The following ZFYVE19 variants were observed in gnomAD, a reference collection of about 807,000 sequenced individuals.
ZFYVE19 encodes abscission/NoCut checkpoint regulator.
Under a neutral mutation model 62.8 loss-of-function variants are expected in ZFYVE19, and 49 were observed. That is an observed-to-expected ratio of 0.78 (90% CI 0.62 to 0.99). The LOEUF (loss-of-function observed/expected upper bound fraction) is 0.99, where lower values mean the gene tolerates loss of function less well. Among genes scored for constraint, ZFYVE19 ranks in the 50% least tolerant of loss-of-function variants. ZFYVE19 has a pLI of 0.00. For missense variants in ZFYVE19, 630 were observed against 601.9 expected, an observed-to-expected ratio of 1.05 and a Z score of -0.49; for synonymous variants, 242 against 234.3, an observed-to-expected ratio of 1.03 and a Z score of -0.30.
intron 1 of ZFYVE19, 61 bp downstream of exon 1, chr15:40,807,929 C>G (rs932328328): frequency 6.5e-7 from 1 of 1,546,500 alleles, no homozygotes; most frequent in Non-Finnish European, 8.7e-7. Flanking sequence ...AAGCGCGGGA[C>G]TTAACGTCCA....
intron 6 of ZFYVE19, 36 bp from the exon 7 acceptor site, chr15:40,812,663 A>C: frequency 6.4e-7 from 1 of 1,556,632 alleles, no homozygotes. Flanking sequence ...AGATACTGGG[A>C]TGTCTCGGCC....
intron 4 of ZFYVE19, 23 bp downstream of exon 4, chr15:40,809,993 G>T: frequency 6.2e-7 from 1 of 1,614,204 alleles, no homozygotes; most frequent in Non-Finnish European, 8.5e-7. Flanking sequence ...AGATGGGGTT[G>T]CCTAGAGGAC....
chr15:40,807,519 G>A lies in ZFYVE19; in HGVS notation c.-71G>A, dbSNP rs1332170160. The A allele has an allele frequency of 6.2e-7, 1 of 1,606,836 alleles. No individual in the cohort carries two copies. The highest frequency in any genetic ancestry group is 8.5e-7 in the Non-Finnish European group (1 of 1,175,004). On this transcript the variant is annotated 5_prime_UTR_variant, in exon 1 of 11. Coordinates refer to ENST00000355341, the MANE Select transcript of ZFYVE19 (RefSeq NM_001077268.2). ...CGCGTGAGGACTGCAGGCTCCGAGCGGCGCCTAGCCCTCTGGGAATTGTGT... is the reference window on the plus strand; with the variant it reads ...CGCGTGAGGACTGCAGGCTCCGAGCAGCGCCTAGCCCTCTGGGAATTGTGT...
chr15:40,814,400 CTGGG>C lies in ZFYVE19; in HGVS notation c.*175_*178del. The C allele has an allele frequency of 1.3e-6, 1 of 765,934 alleles. No homozygotes were observed. The highest frequency in any genetic ancestry group is 1.8e-5 in the South Asian group (1 of 55,000). The allele number at this position is 765,934 out of a possible 1,614,324, so 47.4% of individuals were successfully genotyped here. On this transcript the variant is annotated 3_prime_UTR_variant, in exon 11 of 11. Transcript: ENST00000355341. ...AAAGATTCTCCATTCGAGAGAATGA[CTGGG>C]AGGGAAGAAGTCGGGGCCCTCCTAT...
chr15:40,807,952 T>C, intron 1 of ZFYVE19, 84 bp downstream of exon 1: 3 of 1,486,212 alleles, frequency 2.0e-6, no homozygotes, highest in East Asian at 2.4e-5. Context: ...GACTTGGTCT[T>C]ACGGCTCCTT....
In ZFYVE19 at chr15:40,814,038, C is replaced by T. The variant is rs201876935; in HGVS notation, c.1305C>T (p.Cys435=). 24 of 1,614,010 alleles carry T rather than the reference C, an allele frequency of 1.5e-5. 1 individual carries two copies. The South Asian group carries it at 1.8e-4, about 12-fold the overall frequency. The change falls in exon 10 of 11, where the codon TGC becomes TGT. Residue 435 remains cysteine, a synonymous_variant. Coordinates refer to ENST00000355341, the MANE Select transcript of ZFYVE19 (RefSeq NM_001077268.2). ...ATGCCACCCTACGCTGCGCTGGCTG[C>T]GATGGGGACCTCTTCTGTGCCCGCT... ...NEDATLRCAG[C]DGDLFCARCF...
chr15:40,813,163 CTG>C (rs1890550224), intron 7 of ZFYVE19, among the ~76,000 whole-genome samples, 173 bp from the exon 8 acceptor site: 1 of 152,114 alleles, frequency 6.6e-6, no homozygotes, highest in Admixed American at 6.5e-5. Context: ...TGGCCCAGCC[CTG>C]CAGGGCTGGG....
intron 1 of ZFYVE19, 36 bp downstream of exon 1, chr15:40,807,904 G>C: frequency 6.4e-7 from 1 of 1,552,036 alleles, no homozygotes; most frequent in Middle Eastern, 1.7e-4. Flanking sequence ...CAGGGCCAGG[G>C]AGGAGAGGAG....
In ZFYVE19 at chr15:40,812,781, G is replaced by C; in HGVS notation, c.909G>C (p.Glu303Asp). The C allele has an allele frequency of 6.2e-7, 1 of 1,613,448 alleles. No homozygotes were observed. The highest frequency in any genetic ancestry group is 8.5e-7 in the Non-Finnish European group (1 of 1,180,026). ...GGCAGGCCAACTGGTCCTTGGAGGA[G>C]GAGAAGAGCAGACTGCTGGCTGAGG... is the stretch of plus-strand genomic sequence containing the variant. ...SKRQANWSLE[E>D]EKSRLLAEAA... Residue 303 changes from glutamate (E) to aspartate (D), a missense_variant, in exon 7 of 11, where the codon GAG becomes GAC. Glu to Asp is a conservative substitution (Grantham distance 45, BLOSUM62 2). Transcript: ENST00000355341.
At chr15:40,809,770 G>C (rs570737109) in intron 3 of ZFYVE19, 82 bp from the exon 4 acceptor site, 1 of 1,457,350 alleles carries the variant, frequency 6.9e-7, no homozygotes, top group African/African-American at 1.4e-5. Flanking sequence ...GAAATGATTT[G>C]ATTTGAATGG....
rs756825961 is a variant in ZFYVE19, at chr15:40,807,639, G to C, written c.50G>C (p.Gly17Ala). ...CCGTTGCCGCCGCTGCCGTACGCTG[G>C]CTGCAGGAGAGCGTCCGGATTCCCT... ...QPPLPPLPYAGCRRASGFPAL... is the reference protein window; with the variant it reads ...QPPLPPLPYAACRRASGFPAL... The change falls in exon 1 of 11, where the codon GGC becomes GCC. Residue 17 changes from glycine to alanine, a missense_variant. Physicochemically the swap from Gly to Ala is moderately conservative, Grantham distance 60. Coordinates refer to ENST00000355341, the MANE Select transcript of ZFYVE19 (RefSeq NM_001077268.2). 6 of 1,612,962 alleles carry C rather than the reference G, an allele frequency of 3.7e-6. No individual in the cohort carries two copies. In the East Asian group the frequency reaches 1.1e-4, roughly 30 times the overall value.
chr15:40,814,139 G>A lies in ZFYVE19; in HGVS notation c.1338-9G>A, dbSNP rs774604188. 6 of 1,614,170 alleles carry A rather than the reference G, an allele frequency of 3.7e-6. No individual in the cohort carries two copies. Among genetic ancestry groups the A allele is most frequent in the Non-Finnish European group, 5.1e-6 (6 of 1,180,030 alleles). The stretch of plus-strand genomic sequence containing the variant: ...CTGGATCCCTGACTTGTATCCCTTT[G>A]TTCCACAGAGAGGGCCATGATGCCT... On this transcript the variant is annotated splice_polypyrimidine_tract_variant and intron_variant, in intron 10 of 10. Coordinates refer to ENST00000355341, the MANE Select transcript of ZFYVE19 (RefSeq NM_001077268.2).
chr15:40,810,005 C>T (rs1348872098), intron 4 of ZFYVE19, 35 bp downstream of exon 4: 1 of 1,613,974 alleles, frequency 6.2e-7, no homozygotes, highest in Non-Finnish European at 8.5e-7. Context: ...CTAGAGGACA[C>T]AGTCCAGGGC....
chr15:40,809,371 A>T (rs956301684), intron 2 of ZFYVE19, 37 bp from the exon 3 acceptor site: 1 of 1,613,970 alleles, frequency 6.2e-7, no homozygotes, highest in East Asian at 2.2e-5. Flanking sequence ...GCCTGGTGGG[A>T]TGGCAGGATT....
At chr15:40,813,214 T>G (rs1201081190) in intron 7 of ZFYVE19, 124 bp from the exon 8 acceptor site, 9 of 924,002 alleles carry the variant, frequency 9.7e-6, no homozygotes, top group Non-Finnish European at 1.3e-5. Flanking sequence ...TGAAGAGGCT[T>G]CTCAGCTCTG....
At chr15:40,811,856 C>T (rs996025174) in intron 6 of ZFYVE19, among the ~76,000 whole-genome samples, 8 of 152,242 alleles carry the variant, frequency 5.3e-5, no homozygotes, top group Non-Finnish European at 7.3e-5. Flanking sequence ...AAACCTCTTG[C>T]TCTGAAACAC....
chr15:40,809,753 G>A lies in ZFYVE19; in HGVS notation c.453-99G>A, dbSNP rs942046215. ...GATTGCCCATTGGAGGCCTCCCTAA[G>A]TGCCCAGAAATGATTTGATTTGAAT... is the stretch of plus-strand genomic sequence containing the variant. On this transcript the variant is annotated intron_variant, in intron 3 of 10. Transcript: ENST00000355341. 9.2e-5 allele frequency: 124 copies of A among 1,349,602 alleles called. No homozygotes were observed. The African/African-American group carries it at 1.6e-3, about 18-fold the overall frequency. The allele number at this position is 1,349,602 out of a possible 1,614,324, so 83.6% of individuals were successfully genotyped here.
At chr15:40,808,250 C>A in intron 1 of ZFYVE19, 1 of 1,596,662 alleles carries the variant, frequency 6.3e-7, no homozygotes, top group South Asian at 1.1e-5. Context: ...TTCCCCATCC[C>A]GCAGCCTGCC....
chr15:40,811,045 G>T, intron 6 of ZFYVE19: 1 of 357,646 alleles, frequency 2.8e-6, no homozygotes, highest in Non-Finnish European at 5.3e-6. Flanking sequence ...TAAAATGAAG[G>T]TATGTATGGA....
Sources: gnomAD v4.1 joint callset for allele counts (sites outside exome capture counted in the v4.1 genomes callset) on GRCh38, gnomAD v4.1.1 for gene constraint, MANE v1.5 for transcripts, NCBI Gene and HGNC (gene_info 2026-07-23, HGNC 2026-07-21) for gene names.